TYW1B: variants seen among roughly 807,000 people sequenced by gnomAD.
TYW1B encodes the protein tRNA-yW synthesizing protein 1 homolog B, also known as S-adenosyl-L-methionine-dependent tRNA 4-demethylwyosine synthase TYW1B.
In TYW1B, 73 loss-of-function variants were observed where a neutral mutation model predicts 86.9. The ratio of observed to expected loss-of-function variants is 0.84; its 90% confidence interval spans 0.70 to 1.02. The LOEUF (loss-of-function observed/expected upper bound fraction) is 1.02, where lower values mean the gene tolerates loss of function less well. Among genes scored for constraint, TYW1B ranks in the 50% least tolerant of loss-of-function variants. The pLI is 0.00. For missense variants in TYW1B, 637 were observed against 827.4 expected, an observed-to-expected ratio of 0.77 and a Z score of 2.82; for synonymous variants, 248 against 292.8, an observed-to-expected ratio of 0.85 and a Z score of 1.56.
At chr7:72,814,330 AT>A (rs1243039359) in intron 3 of TYW1B, among the ~76,000 whole-genome samples, 1 of 152,110 alleles carries the variant, frequency 6.6e-6, no homozygotes, top group African/African-American at 2.4e-5. Context: ...CATGCCTATA[AT>A]CCTAGCACTT....
intron 11 of TYW1B, among the ~76,000 whole-genome samples, chr7:72,663,837 G>A (rs183128925): frequency 2.0e-3 from 294 of 149,024 alleles, no homozygotes; most frequent in African/African-American, 6.3e-3. Context: ...TTGGAGTCTC[G>A]GACTCATGTT....
intron 11 of TYW1B, among the ~76,000 whole-genome samples, chr7:72,693,738 A>G (rs782066168): frequency 1.2e-4 from 19 of 152,064 alleles, no homozygotes; most frequent in Non-Finnish European, 2.6e-4. Flanking sequence ...TCGGTCCTTC[A>G]TATCTGTGGG....
chr7:72,586,423 T>C (rs1437322722), intron 13 of TYW1B, among the ~76,000 whole-genome samples: 1 of 152,240 alleles, frequency 6.6e-6, no homozygotes, highest in African/African-American at 2.4e-5. Context: ...CCATATGAAA[T>C]CATTTGGTTG....
rs1349813124 is a variant in TYW1B at position 72,574,557 on chromosome 7, A to G, written c.*941T>C. 1.0e-6 allele frequency: 1 copy of G among 981,380 alleles called. No individual in the cohort carries two copies. The highest frequency in any genetic ancestry group is 1.7e-5 in the African/African-American group (1 of 57,154). 60.8% of individuals were successfully genotyped at this position (981,380 alleles called of 1,614,324 possible). A position where few individuals can be genotyped will look rare whatever the true frequency, so the allele number is the denominator to read the frequency against. ...TATTAATTCAATTTTTGCATAAAAG[A>G]CTGTTAAAAGAATTTGCTAACTTGA... On this transcript the variant is annotated 3_prime_UTR_variant, in exon 14 of 14. Transcript: ENST00000620995.
intron 7 of TYW1B, among the ~76,000 whole-genome samples, chr7:72,766,648 C>T (rs1390720312): frequency 6.8e-6 from 1 of 147,476 alleles, no homozygotes; most frequent in East Asian, 2.0e-4. Context: ...ACTACAGGGC[C>T]AGGCGCAGTG....
intron 8 of TYW1B, among the ~76,000 whole-genome samples, chr7:72,737,395 C>T (rs142858426): frequency 6.6e-6 from 1 of 152,116 alleles, no homozygotes; most frequent in African/African-American, 2.4e-5. Context: ...ATACTGTTTG[C>T]TTTCCAAAAC....
intron 11 of TYW1B, among the ~76,000 whole-genome samples, chr7:72,659,470 A>T (rs1338191350): frequency 1.3e-5 from 2 of 152,066 alleles, no homozygotes; most frequent in Non-Finnish European, 2.9e-5. Context: ...CCCAGCTACT[A>T]GGGAGGCTGA....
At chr7:72,777,142 T>G (rs3807365) in intron 7 of TYW1B, among the ~76,000 whole-genome samples, 104,833 of 151,944 alleles carry the variant, frequency 0.69, 37,136 homozygotes, top group Non-Finnish European at 0.77. Flanking sequence ...AGCTTTTCTA[T>G]GCATTTTTAA....
At chr7:72,612,330 T>C (rs1415405879) in intron 13 of TYW1B, among the ~76,000 whole-genome samples, 1 of 152,116 alleles carries the variant, frequency 6.6e-6, no homozygotes, top group Non-Finnish European at 1.5e-5. Context: ...AATAAATATA[T>C]AAATGGGAGG....
chr7:72,645,574 T>C (rs1168031490), intron 11 of TYW1B, among the ~76,000 whole-genome samples: 1 of 152,182 alleles, frequency 6.6e-6, no homozygotes, highest in Non-Finnish European at 1.5e-5. Context: ...AATCGTGGCA[T>C]ACTCATACAT....
intron 13 of TYW1B, among the ~76,000 whole-genome samples, chr7:72,615,705 T>C (rs549114470): frequency 2.6e-5 from 4 of 152,188 alleles, no homozygotes; most frequent in African/African-American, 9.6e-5. Flanking sequence ...AAACCCAAGC[T>C]TGAAAACTTC....
At chr7:72,640,068 C>T (rs1354419659) in intron 11 of TYW1B, among the ~76,000 whole-genome samples, 1 of 151,320 alleles carries the variant, frequency 6.6e-6, no homozygotes, top group Admixed American at 6.6e-5. Flanking sequence ...ACGAGGGCAA[C>T]AACTAAAAGA....
chr7:72,714,743 C>T (rs1440113610), intron 9 of TYW1B, among the ~76,000 whole-genome samples: 1 of 152,198 alleles, frequency 6.6e-6, no homozygotes, highest in Non-Finnish European at 1.5e-5. Flanking sequence ...ATGGTGAAAC[C>T]CTGTCTCTAC....
At chr7:72,772,241 A>G (rs1401104778) in intron 7 of TYW1B, among the ~76,000 whole-genome samples, 1 of 152,128 alleles carries the variant, frequency 6.6e-6, no homozygotes, top group Non-Finnish European at 1.5e-5. Context: ...GTAAAGCTCT[A>G]AAAGATGTAA....
intron 10 of TYW1B, among the ~76,000 whole-genome samples, chr7:72,703,232 G>A (rs1554453049): frequency 6.6e-6 from 1 of 151,152 alleles, no homozygotes; most frequent in Non-Finnish European, 1.5e-5. Flanking sequence ...CACCGTGTTA[G>A]CCAGGATAGT....
chr7:72,703,016 A>ATTTTTTTTTTT (rs1814518944), intron 10 of TYW1B, among the ~76,000 whole-genome samples: 2 of 17,676 alleles, frequency 1.1e-4, no homozygotes, highest in African/African-American at 3.7e-4. Flanking sequence ...ATATATATAT[A>ATTTTTTTTTTT]TATATATATA....
intron 6 of TYW1B, among the ~76,000 whole-genome samples, chr7:72,786,192 C>A (rs561201600): frequency 2.0e-5 from 3 of 152,108 alleles, no homozygotes; most frequent in East Asian, 3.9e-4. Context: ...AGTTTAGTAT[C>A]CCATATCCCC....
chr7:72,676,915 G>A lies in TYW1B; in HGVS notation c.1506+17772C>T, dbSNP rs1467551671. On this transcript the variant is annotated intron_variant, in intron 11 of 13. Coordinates refer to ENST00000620995, the MANE Select transcript of TYW1B (RefSeq NM_001145440.3). ...GGAGGTTGCAGTGTGCTAAGATCAC[G>A]CCACTGTACTCCAGCCTGGGTGACA... 3.9e-5 allele frequency among the ~76,000 whole-genome samples: 6 copies of A among 152,054 alleles called. No homozygotes were observed. The South Asian group carries it at 6.2e-4, about 16-fold the overall frequency.
At chr7:72,768,847 C>A (rs1354468559) in intron 7 of TYW1B, 4 of 285,904 alleles carry the variant, frequency 1.4e-5, no homozygotes, top group East Asian at 1.0e-4. Flanking sequence ...TATATGACTT[C>A]TCTGATTCAC....
Sources: allele counts gnomAD v4.1 joint callset (sites outside exome capture counted in the v4.1 genomes callset), GRCh38; gene constraint gnomAD v4.1.1; transcripts MANE v1.5; gene names NCBI Gene and HGNC (gene_info 2026-07-23, HGNC 2026-07-21).